Variants in FNBP1 observed in about 807,000 individuals in gnomAD.
The protein encoded by FNBP1 is formin binding protein 1, also known as formin-binding protein 1.
A neutral mutation model predicts 90.6 loss-of-function variants in FNBP1; 26 were observed. The observed-to-expected ratio is 0.29, with a 90% confidence interval of 0.21 to 0.40. The LOEUF (loss-of-function observed/expected upper bound fraction) is 0.40. Ranked by LOEUF, FNBP1 falls within the 10% of genes least tolerant of loss-of-function variation. FNBP1 has a pLI of 1.00. For synonymous variants in FNBP1, 260 were observed against 265.2 expected, an observed-to-expected ratio of 0.98 and a Z score of 0.19; for missense variants, 635 against 768.0, an observed-to-expected ratio of 0.83 and a Z score of 2.05.
chr9:129,927,421 C>T (rs2042077760), intron 7 of FNBP1, 80 bp from the exon 8 acceptor site: 2 of 1,375,346 alleles, frequency 1.5e-6, no homozygotes, highest in South Asian at 1.3e-5. Context: ...ATTGTTACCT[C>T]TAACAAGTTC....
Position 129,890,419 on chromosome 9 carries a change from C to T in FNBP1, c.*120G>A, listed in dbSNP as rs756370673. On this transcript the variant is annotated 3_prime_UTR_variant, in exon 17 of 17. Transcript: ENST00000446176. The surrounding 1 kb of genome is among the most constrained non-coding windows in gnomAD (Gnocchi z 5.8). ...TGCTGGAGAGAGAGAGAGACCGCCC[C>T]GCAGGGATGGGGCTGCGGAGGGGTG... The T allele has an allele frequency of 4.9e-6, 4 of 821,266 alleles. No homozygotes were observed. Among genetic ancestry groups the T allele is most frequent in the South Asian group, 3.0e-5 (2 of 67,618 alleles). The allele number at this position is 821,266 out of a possible 1,614,324, so 50.9% of individuals were successfully genotyped here.
At chr9:130,004,365 C>T (rs1187020742) in intron 1 of FNBP1, among the ~76,000 whole-genome samples, 1 of 152,114 alleles carries the variant, frequency 6.6e-6, no homozygotes, top group Non-Finnish European at 1.5e-5. Context: ...GTAAGTGGCA[C>T]AGACTCCAGG....
At chr9:130,017,063 T>G (rs1033128983) in intron 1 of FNBP1, among the ~76,000 whole-genome samples, 4 of 151,980 alleles carry the variant, frequency 2.6e-5, no homozygotes, top group Non-Finnish European at 5.9e-5. Context: ...CTCAGCAACA[T>G]AGCAAGACCC....
intron 12 of FNBP1, among the ~76,000 whole-genome samples, chr9:129,907,269 T>G (rs945894225): frequency 1.2e-4 from 18 of 152,146 alleles, no homozygotes; most frequent in South Asian, 4.1e-4. Flanking sequence ...GGTTTTTAAT[T>G]TTTTGGTCCA....
At chr9:129,936,076 G>A (rs1288673060) in intron 6 of FNBP1, among the ~76,000 whole-genome samples, 2 of 152,116 alleles carry the variant, frequency 1.3e-5, no homozygotes, top group African/African-American at 4.8e-5. Context: ...AGAGCTTTTG[G>A]AAAGCTGCTT....
intron 16 of FNBP1, among the ~76,000 whole-genome samples, chr9:129,892,414 C>CACACAAACAA (rs762912634): frequency 8.0e-6 from 1 of 125,232 alleles, no homozygotes; most frequent in Non-Finnish European, 1.7e-5. Flanking sequence ...CACACACACA[C>CACACAAACAA]ACAAAAAGGT....
At chr9:130,010,810 C>T (rs1468957690) in intron 1 of FNBP1, among the ~76,000 whole-genome samples, 1 of 149,394 alleles carries the variant, frequency 6.7e-6, no homozygotes, top group East Asian at 2.0e-4. Flanking sequence ...ATAATTCAAC[C>T]ATTCTTATTG....
rs2058838313 is a variant in FNBP1 at position 130,031,917 on chromosome 9, C to A, written c.24+11035G>T. ...GACCTCATGATCTGCCCGACTCGGC[C>A]TTCCAAAGTGCTGGTATTACAGGAG... On this transcript the variant is annotated intron_variant, in intron 1 of 16. Coordinates refer to ENST00000446176, the MANE Select transcript of FNBP1 (RefSeq NM_015033.3). The surrounding 1 kb of genome is among the most constrained non-coding windows in gnomAD (Gnocchi z 4.2). 6.6e-6 allele frequency among the ~76,000 whole-genome samples: 1 copy of A among 152,146 alleles called. No individual in the cohort carries two copies. The highest frequency in any genetic ancestry group is 1.5e-5 in the Non-Finnish European group (1 of 68,036).
chr9:129,951,127 T>C (rs1414430483), intron 6 of FNBP1, among the ~76,000 whole-genome samples: 2 of 151,926 alleles, frequency 1.3e-5, no homozygotes, highest in Non-Finnish European at 2.9e-5. Context: ...TGGCTAACTT[T>C]TGTATTTTTT....
intron 1 of FNBP1, among the ~76,000 whole-genome samples, chr9:129,997,010 A>T (rs562040433): frequency 7.3e-5 from 11 of 151,156 alleles, no homozygotes; most frequent in South Asian, 4.2e-4. Context: ...GTTTTTTTTT[A>T]AAACCACTTT....
chr9:129,917,241 T>C (rs949114281), intron 10 of FNBP1, among the ~76,000 whole-genome samples: 7 of 152,138 alleles, frequency 4.6e-5, no homozygotes, highest in Admixed American at 1.3e-4. Context: ...CTTGAACTCC[T>C]GACCTCGTGA....
intron 6 of FNBP1, among the ~76,000 whole-genome samples, chr9:129,932,399 C>T (rs182258769): frequency 6.6e-6 from 1 of 151,954 alleles, no homozygotes; most frequent in East Asian, 1.9e-4. Flanking sequence ...TGTCAATCTT[C>T]TTTATTGGTT....
intron 4 of FNBP1, 109 bp downstream of exon 4, chr9:129,978,356 G>A (rs1374776476): frequency 3.2e-6 from 3 of 950,302 alleles, no homozygotes; most frequent in Admixed American, 2.6e-5. Flanking sequence ...AAAGGTATGA[G>A]TTTAAGACCC....
rs1444092085 is a variant in FNBP1, at chr9:129,970,184, C to T, written c.345+8281G>A. ...CCTCCCAAAGTGCTAGGATTACAGG[C>T]GTGAGCCACTGCGCCTGGCCTTTTA... is the stretch of plus-strand genomic sequence containing the variant. On this transcript the variant is annotated intron_variant, in intron 4 of 16. Transcript: ENST00000446176. Among the ~76,000 whole-genome samples, 5 of 151,516 alleles carry T rather than the reference C, an allele frequency of 3.3e-5. No individual in the cohort carries two copies. In the East Asian group the frequency reaches 9.7e-4, roughly 30 times the overall value.
At chr9:130,049,023 C>T in the FNBP1 span, among the ~76,000 whole-genome samples, 6 of 152,066 alleles carry the variant, frequency 3.9e-5, no homozygotes, top group Non-Finnish European at 5.9e-5. Flanking sequence ...TCGTGATCCG[C>T]CCGCCTCGGC....
intron 6 of FNBP1, among the ~76,000 whole-genome samples, chr9:129,936,041 C>T (rs2043405504): frequency 2.6e-5 from 4 of 152,114 alleles, no homozygotes; most frequent in Admixed American, 2.6e-4. Flanking sequence ...TTTGCAGCAA[C>T]CTGATACTTA....
At chr9:129,982,127 T>A (rs2051354336) in intron 2 of FNBP1, among the ~76,000 whole-genome samples, 1 of 152,240 alleles carries the variant, frequency 6.6e-6, no homozygotes, top group Non-Finnish European at 1.5e-5. Flanking sequence ...TACAGGTCTT[T>A]GAGTTGGATT....
At chr9:130,049,249 C>T in the FNBP1 span, among the ~76,000 whole-genome samples, 6 of 152,164 alleles carry the variant, frequency 3.9e-5, no homozygotes, top group Non-Finnish European at 8.8e-5. Context: ...ATTTGCCAAG[C>T]ACAGTGGTGC....
At chr9:129,946,533 T>C (rs1008892552) in intron 6 of FNBP1, among the ~76,000 whole-genome samples, 1 of 152,172 alleles carries the variant, frequency 6.6e-6, no homozygotes, top group African/African-American at 2.4e-5. Context: ...TCAGAATTAA[T>C]TGCAATGAAT....
Sources: gnomAD v4.1 joint callset for allele counts (sites outside exome capture counted in the v4.1 genomes callset) on GRCh38, gnomAD v4.1.1 for gene constraint, Gnocchi (gnomAD v3.1) non-coding constraint, MANE v1.5 for transcripts, NCBI Gene and HGNC (gene_info 2026-07-23, HGNC 2026-07-21) for gene names.